The following MGARP variants were observed in gnomAD, a reference collection of about 807,000 sequenced individuals.
MGARP encodes the protein protein MGARP.
In MGARP, 12 loss-of-function variants were observed where a neutral mutation model predicts 11.0. The observed-to-expected ratio is 1.09, with a 90% CI of 0.70 to 1.77. The LOEUF (loss-of-function observed/expected upper bound fraction) is 1.77. Among genes scored for constraint, MGARP ranks in the 40% most tolerant of loss-of-function variants. The pLI is 0.00. For synonymous variants in MGARP, 110 were observed against 115.4 expected (o/e 0.95, Z 0.30); for missense variants, 283 against 297.8 (o/e 0.95, Z 0.36).
chr4:139,270,884 A>G (rs1056767321), intron 2 of MGARP, among the ~76,000 whole-genome samples: 2 of 152,220 alleles, frequency 1.3e-5, no homozygotes, highest in African/African-American at 2.4e-5. Context: ...AAACCGAACC[A>G]GTACACAAGT....
chr4:139,270,622 A>AAG (rs1744766077), intron 2 of MGARP, among the ~76,000 whole-genome samples: 1 of 151,778 alleles, frequency 6.6e-6, no homozygotes, highest in African/African-American at 2.4e-5. Flanking sequence ...AAAAAAAAAA[A>AAG]AAAAAGAAAA....
chr4:139,271,417 TCAGGGGGCC>T (rs1216122899), intron 2 of MGARP, among the ~76,000 whole-genome samples: 4 of 151,958 alleles, frequency 2.6e-5, no homozygotes, highest in Admixed American at 1.3e-4. Context: ...TCCCAGCTGC[TCAGGGGGCC>T]GAGGCAGGAG....
At chr4:139,274,570 G>C (rs559340547) in intron 2 of MGARP, among the ~76,000 whole-genome samples, 7 of 152,054 alleles carry the variant, frequency 4.6e-5, no homozygotes, top group African/African-American at 1.7e-4. Context: ...TGCAACCTCA[G>C]CCTCCTAGGT....
chr4:139,268,836 C>T (rs778944276), intron 2 of MGARP, 71 bp from the exon 3 acceptor site: 3 of 1,131,958 alleles, frequency 2.7e-6, no homozygotes, highest in Non-Finnish European at 3.9e-6. Context: ...CAAAGGTACA[C>T]TCAAGTCTCC....
At chr4:139,276,655 T>C (rs1431710786) in intron 1 of MGARP, among the ~76,000 whole-genome samples, 1 of 152,156 alleles carries the variant, frequency 6.6e-6, no homozygotes, top group East Asian at 1.9e-4. Flanking sequence ...AAGACCAGCC[T>C]GGGCAATGTG....
Position 139,266,942 on chromosome 4 carries a change from C to G in MGARP, c.380G>C (p.Ser127Thr), listed in dbSNP as rs1228636095. 6.2e-7 allele frequency: 1 copy of G among 1,614,202 alleles called. No homozygotes were observed. The highest frequency in any genetic ancestry group is 2.2e-5 in the East Asian group (1 of 44,886). Reference protein sequence around the residue: ...AEVVDAEESPSATVVVIKEAS... With the variant: ...AEVVDAEESPTATVVVIKEAS... ...CTCTTTTATGACCACAACTGTAGCACTGGGACTTTCTTCAGCATCTACCAC... is the reference window on the plus strand; with the variant it reads ...CTCTTTTATGACCACAACTGTAGCAGTGGGACTTTCTTCAGCATCTACCAC... The change falls in exon 4 of 4, where the codon AGT becomes ACT. Residue 127 changes from serine to threonine, a missense_variant. Ser to Thr is a moderately conservative substitution (Grantham distance 58). Coordinates refer to ENST00000398955, the MANE Select transcript of MGARP (RefSeq NM_032623.4).
At chr4:139,273,763 C>A (rs1016991343) in intron 2 of MGARP, among the ~76,000 whole-genome samples, 3 of 151,300 alleles carry the variant, frequency 2.0e-5, no homozygotes, top group Non-Finnish European at 4.4e-5. Flanking sequence ...ATCTGCCCAC[C>A]TTGACCTCCC....
chr4:139,270,545 C>G (rs1744763842), intron 2 of MGARP, among the ~76,000 whole-genome samples: 2 of 140,652 alleles, frequency 1.4e-5, no homozygotes, highest in Admixed American at 1.5e-4. Context: ...GGAGGTGGAG[C>G]TTGCAGTGAG....
chr4:139,274,312 T>C (rs1744833497), intron 2 of MGARP, among the ~76,000 whole-genome samples: 1 of 152,132 alleles, frequency 6.6e-6, no homozygotes, highest in African/African-American at 2.4e-5. Flanking sequence ...TATATCAATA[T>C]TGGCTTGTCA....
At chr4:139,268,430 G>A (rs1467725615) in intron 3 of MGARP, among the ~76,000 whole-genome samples, 1 of 152,204 alleles carries the variant, frequency 6.6e-6, no homozygotes, top group Non-Finnish European at 1.5e-5. Flanking sequence ...GGAGTCAAAA[G>A]TCACTGGTCA....
chr4:139,279,112 C>G (rs1744916898), intron 1 of MGARP, among the ~76,000 whole-genome samples: 1 of 152,118 alleles, frequency 6.6e-6, no homozygotes. Context: ...GTCTAAGAGC[C>G]GTCCCCCAGT....
chr4:139,275,455 T>C (rs1744852973), intron 1 of MGARP, 63 bp from the exon 2 acceptor site: 1 of 1,343,940 alleles, frequency 7.4e-7, no homozygotes, highest in African/African-American at 1.5e-5. Flanking sequence ...TTTAAATAAT[T>C]ACATCTTTCA....
Position 139,267,029 on chromosome 4 carries a change from T to C in MGARP, c.293A>G (p.Asn98Ser). The stretch of plus-strand genomic sequence containing the variant: ...ACTTGCTTTCTCAGTTTCCGCAACA[T>C]TCTCCTTTTCACCTTTAAGAATTAG... ...EIHPFQGEKENVAETEKASSE... is the reference protein window; with the variant it reads ...EIHPFQGEKESVAETEKASSE... Residue 98 changes from asparagine (N) to serine (S), a missense_variant, in exon 4 of 4, where the codon AAT becomes AGT. Asn to Ser is a conservative substitution (Grantham distance 46). Coordinates refer to ENST00000398955, the MANE Select transcript of MGARP (RefSeq NM_032623.4). The C allele has an allele frequency of 6.2e-7, 1 of 1,613,438 alleles. No homozygotes were observed. The highest frequency in any genetic ancestry group is 8.5e-7 in the Non-Finnish European group (1 of 1,179,640).
intron 1 of MGARP, among the ~76,000 whole-genome samples, chr4:139,276,692 T>G (rs770023308): frequency 6.6e-6 from 1 of 151,962 alleles, no homozygotes; most frequent in Non-Finnish European, 1.5e-5. Context: ...CAAAAAAATT[T>G]TATAATATTA....
chr4:139,275,524 G>T lies in MGARP; in HGVS notation c.83-132C>A, dbSNP rs544773977. 2.0e-5 allele frequency: 13 copies of T among 658,616 alleles called. No homozygotes were observed. In the African/African-American group the frequency reaches 2.4e-4, roughly 12 times the overall value. The allele number at this position is 658,616 out of a possible 1,614,324, so 40.8% of individuals were successfully genotyped here. On this transcript the variant is annotated intron_variant, in intron 1 of 3. Transcript: ENST00000398955. ...AACATCAAGTGATTTTAGCTTAAGG[G>T]AATACAGTATTACGAGGCTGGGTAA...
intron 2 of MGARP, among the ~76,000 whole-genome samples, chr4:139,273,105 T>A (rs1157895871): frequency 6.6e-6 from 1 of 152,180 alleles, no homozygotes; most frequent in Non-Finnish European, 1.5e-5. Flanking sequence ...GGGGTCCCGC[T>A]ATGTTGGCCA....
intron 3 of MGARP, among the ~76,000 whole-genome samples, 182 bp from the exon 4 acceptor site, chr4:139,267,223 G>A (rs1355167576): frequency 2.0e-5 from 3 of 152,134 alleles, no homozygotes; most frequent in Non-Finnish European, 4.4e-5. Context: ...ACTATTGTTA[G>A]GGCAAAATGA....
At chr4:139,276,848 T>TA (rs1156935093) in intron 1 of MGARP, among the ~76,000 whole-genome samples, 6 of 149,574 alleles carry the variant, frequency 4.0e-5, no homozygotes, top group Non-Finnish European at 8.8e-5. Flanking sequence ...AAAAAATAAT[T>TA]AAAATAAAAT....
intron 2 of MGARP, among the ~76,000 whole-genome samples, chr4:139,274,776 C>A (rs1174824429): frequency 6.6e-6 from 1 of 152,210 alleles, no homozygotes; most frequent in Non-Finnish European, 1.5e-5. Flanking sequence ...AGCCACTGCA[C>A]CCAGCTCCTA....
Sources: gnomAD v4.1 joint callset for allele counts (sites outside exome capture counted in the v4.1 genomes callset) on GRCh38, gnomAD v4.1.1 for gene constraint, MANE v1.5 for transcripts, NCBI Gene and HGNC (gene_info 2026-07-23, HGNC 2026-07-21) for gene names.